GPN3: variants seen among roughly 807,000 people sequenced by gnomAD.
The protein encoded by GPN3 is ATP-binding domain 1 family member C.
In GPN3, 31 loss-of-function variants were observed where a neutral mutation model predicts 38.7. The observed-to-expected ratio is 0.80, with a 90% CI of 0.60 to 1.08. GPN3 has a LOEUF of 1.08. Among genes scored for constraint, GPN3 ranks in the 50% least tolerant of loss-of-function variants. The probability of loss-of-function intolerance (pLI) is 0.00; values close to 1 mark genes in which losing one functional copy is unlikely to be tolerated. For missense variants in GPN3, 301 were observed against 354.4 expected (o/e 0.85, Z 1.21); for synonymous variants, 116 against 120.2 (o/e 0.96, Z 0.23).
intron 1 of GPN3, among the ~76,000 whole-genome samples, chr12:110,465,945 C>T (rs560818900): frequency 6.6e-6 from 1 of 152,060 alleles, no homozygotes; most frequent in African/African-American, 2.4e-5. Flanking sequence ...GGCGTGGTGG[C>T]GTATGCCTGT....
At chr12:110,468,121 CCTACT>C in intron 1 of GPN3, 30 bp downstream of exon 1, 1 of 1,614,106 alleles carries the variant, frequency 6.2e-7, no homozygotes, top group Non-Finnish European at 8.5e-7. Context: ...TCCACGAACT[CCTACT>C]TTTCTCTCCT....
chr12:110,465,259 AG>A (rs1163613538), intron 1 of GPN3, 45 bp from the exon 2 acceptor site: 1 of 1,029,258 alleles, frequency 9.7e-7, no homozygotes, highest in Non-Finnish European at 1.6e-6. Context: ...CAGGTAGTGT[AG>A]TGCTACCTTC....
At position 110,459,828 on chromosome 12, in the gene GPN3, C is replaced by T; in HGVS notation, c.192G>A (p.Met64Ile). 6.2e-7 allele frequency: 1 copy of T among 1,614,046 alleles called. No homozygotes were observed. The highest frequency in any genetic ancestry group is 1.3e-5 in the African/African-American group (1 of 75,036). Reference protein sequence around the residue: ...IRELIEVDDVMEDDSLRFGPN... With the variant: ...IRELIEVDDVIEDDSLRFGPN... ...GACCGAATCGCAGAGAATCATCCTC[C>T]ATTACATCATCCACCTCGATCAGTT... Residue 64 changes from methionine (M) to isoleucine (I), a missense_variant, in exon 3 of 8, where the codon ATG becomes ATA. Met to Ile is a conservative substitution (Grantham distance 10). Coordinates refer to ENST00000228827, the MANE Select transcript of GPN3 (RefSeq NM_016301.4).
chr12:110,468,526 G>A, upstream of GPN3: 7 of 1,537,290 alleles, frequency 4.6e-6, no homozygotes, highest in Non-Finnish European at 6.1e-6. Flanking sequence ...ACGTGCTTCG[G>A]TCCGTGGTTT....
chr12:110,464,847 C>G (rs567892979), intron 2 of GPN3: 2 of 413,282 alleles, frequency 4.8e-6, no homozygotes, highest in East Asian at 9.1e-5. Flanking sequence ...CCCGCCTCGG[C>G]CTCCCAAAGT....
At chr12:110,468,572 G>A (rs914893996), upstream of GPN3, 4 of 1,537,124 alleles carry the variant, frequency 2.6e-6, no homozygotes, top group African/African-American at 1.4e-5. Context: ...TGACCCTCGC[G>A]ATTTGCAAAT....
At chr12:110,468,416 T>C (rs111956809), upstream of GPN3, 10 of 1,533,016 alleles carry the variant, frequency 6.5e-6, no homozygotes, top group African/African-American at 6.8e-5. Flanking sequence ...GATTTGCGCG[T>C]GCGCAAAAGT....
In GPN3 at chr12:110,455,803, C is replaced by T. The variant is rs768449008; in HGVS notation, c.566+12G>A. 6.2e-6 allele frequency: 8 copies of T among 1,292,808 alleles called. No homozygotes were observed. The highest frequency in any genetic ancestry group is 9.0e-6 in the Non-Finnish European group (8 of 886,614). 80.1% of individuals were successfully genotyped at this position (1,292,808 alleles called of 1,614,324 possible). ...CTGAGATCTGATAATAATGGAAGAA[C>T]AGTGAACTCACTTCTCAATTTCCTT... is the stretch of plus-strand genomic sequence containing the variant. On this transcript the variant is annotated intron_variant, in intron 5 of 7. Transcript: ENST00000228827.
intron 2 of GPN3, chr12:110,461,332 A>G (rs528611960): frequency 2.3e-6 from 2 of 877,164 alleles, no homozygotes; most frequent in South Asian, 2.7e-5. Context: ...CCACTTTCAA[A>G]AATCTACAGA....
intron 3 of GPN3, among the ~76,000 whole-genome samples, chr12:110,459,017 C>A (rs979454196): frequency 1.3e-5 from 2 of 152,056 alleles, no homozygotes; most frequent in African/African-American, 4.8e-5. Context: ...TGAAAGGCCG[C>A]CTCAGATGCC....
In GPN3 at chr12:110,457,607, G is replaced by C. The variant is rs1483017046; in HGVS notation, c.353C>G (p.Pro118Arg). The change falls in exon 4 of 8, where the codon CCT (proline) becomes CGT (arginine). Residue 118 changes from proline to arginine, a missense_variant. Coordinates refer to ENST00000228827, the MANE Select transcript of GPN3 (RefSeq NM_016301.4). ...CTGCTGGACCAGCTGTTTCATCACAGGCAGGTGAGTGTACAACTCAATCTG... is the reference window on the plus strand; with the variant it reads ...CTGCTGGACCAGCTGTTTCATCACACGCAGGTGAGTGTACAACTCAATCTG... The part of the protein sequence containing the change: ...PGQIELYTHL[P>R]VMKQLVQQLE... 22 of 1,604,310 alleles carry C rather than the reference G, an allele frequency of 1.4e-5. No individual in the cohort carries two copies. The highest frequency in any genetic ancestry group is 1.9e-5 in the Non-Finnish European group (22 of 1,173,340).
intron 2 of GPN3, among the ~76,000 whole-genome samples, chr12:110,463,596 CCT>C (rs1249661553): frequency 9.7e-6 from 1 of 103,260 alleles, no homozygotes; most frequent in East Asian, 3.6e-4. Context: ...ATGGTGAAAC[CCT>C]GTCTCTACAA....
rs965126138 is a variant in GPN3 at position 110,452,834 on chromosome 12, A to AT, written c.*199dup. 76 of 533,874 alleles carry AT rather than the reference A, an allele frequency of 1.4e-4. 1 individual carries two copies. The Middle Eastern group carries it at 2.1e-3, about 15-fold the overall frequency. The allele number at this position is 533,874 out of a possible 1,614,324, so 33.1% of individuals were successfully genotyped here. ...TTACAAAATCTAAAGTGATGCTGTTATAATACTAAAAGATTCCACTTTAAA... is the reference window on the plus strand; with the variant it reads ...TTACAAAATCTAAAGTGATGCTGTTATTAATACTAAAAGATTCCACTTTAAA... On this transcript the variant is annotated 3_prime_UTR_variant, in exon 8 of 8. Transcript: ENST00000228827.
At chr12:110,460,050 C>T (rs1034555963) in intron 2 of GPN3, among the ~76,000 whole-genome samples, 188 bp from the exon 3 acceptor site, 3 of 151,948 alleles carry the variant, frequency 2.0e-5, no homozygotes, top group East Asian at 1.9e-4. Context: ...TTGTACAGCC[C>T]GACAATGGAA....
In GPN3 at chr12:110,465,275, C is replaced by T. The variant is rs561616956; in HGVS notation, c.49-61G>A. ...AGGTAGTGTAGTGCTACCTTCCATACTCTGGAATACTATCCACTAAGGTCA... is the reference window on the plus strand; with the variant it reads ...AGGTAGTGTAGTGCTACCTTCCATATTCTGGAATACTATCCACTAAGGTCA... On this transcript the variant is annotated intron_variant, in intron 1 of 7. Coordinates refer to ENST00000228827, the MANE Select transcript of GPN3 (RefSeq NM_016301.4). 4.4e-6 allele frequency: 4 copies of T among 909,586 alleles called. No individual in the cohort carries two copies. The South Asian group carries it at 5.2e-5, about 12-fold the overall frequency. The allele number at this position is 909,586 out of a possible 1,614,324, so 56.3% of individuals were successfully genotyped here.
chr12:110,467,239 C>T (rs908003715), intron 1 of GPN3, among the ~76,000 whole-genome samples: 4 of 152,118 alleles, frequency 2.6e-5, no homozygotes, highest in Admixed American at 1.3e-4. Context: ...ATCCGTCCAC[C>T]TCCATCTCCC....
chr12:110,456,329 C>CAAAAA (rs59734369), intron 4 of GPN3, among the ~76,000 whole-genome samples: 49 of 66,748 alleles, frequency 7.3e-4, no homozygotes, highest in East Asian at 1.5e-3. Context: ...AACTTGGTCT[C>CAAAAA]AAAAAAAAAA....
Position 110,459,718 on chromosome 12 carries a change from T to C in GPN3, c.302A>G (p.Asp101Gly), listed in dbSNP as rs2062573712. The change falls in exon 3 of 8, where the codon GAC becomes GGC. Residue 101 changes from aspartate to glycine, a missense_variant. Transcript: ENST00000228827. ...LENCLGHVED[D>G]YILFDCPGQI... ...ACCTGGACAATCAAAAAGGATATAG[T>C]CGTCCTCTACATGGCCAAGACAGTT... 6.2e-7 allele frequency: 1 copy of C among 1,612,416 alleles called. No homozygotes were observed. The highest frequency in any genetic ancestry group is 1.7e-5 in the Admixed American group (1 of 59,982).
Position 110,455,593 on chromosome 12 carries a change from C to T in GPN3, c.656G>A (p.Cys219Tyr), listed in dbSNP as rs1360140503. 7.3e-7 allele frequency: 1 copy of T among 1,374,010 alleles called. No individual in the cohort carries two copies. The allele number at this position is 1,374,010 out of a possible 1,614,324, so 85.1% of individuals were successfully genotyped here. A position where few individuals can be genotyped will look rare whatever the true frequency, so the allele number is the denominator to read the frequency against. ...CAAACTTTAAAAGCTTACCAGTCCA[C>T]ATATAGCTTTAGTCAGTTTCTTGAA... Reference protein sequence around the residue: ...KKFKKLTKAICGLIDDYSMVR... With the variant: ...KKFKKLTKAIYGLIDDYSMVR... Residue 219 changes from cysteine to tyrosine, a missense_variant, in exon 6 of 8, where the codon TGT becomes TAT. Physicochemically the swap from Cys to Tyr is radical, Grantham distance 194. Transcript: ENST00000228827.
Sources: gnomAD v4.1 joint callset for allele counts (sites outside exome capture counted in the v4.1 genomes callset) on GRCh38, gnomAD v4.1.1 for gene constraint, MANE v1.5 for transcripts, NCBI Gene and HGNC (gene_info 2026-07-23, HGNC 2026-07-21) for gene names.